Variants in KCTD21 observed in about 807,000 individuals in gnomAD.
KCTD21 encodes potassium channel tetramerization domain containing 21, also known as BTB/POZ domain-containing protein KCTD21.
Under a neutral mutation model 13.2 loss-of-function variants are expected in KCTD21, and 9 were observed. The ratio of observed to expected loss-of-function variants is 0.68; its 90% CI spans 0.41 to 1.19. The LOEUF (loss-of-function observed/expected upper bound fraction) is 1.19, where lower values mean the gene tolerates loss of function less well. Among genes scored for constraint, KCTD21 ranks in the 50% most tolerant of loss-of-function variants. The pLI is 0.01. For missense variants in KCTD21, 303 were observed against 336.5 expected (o/e 0.90, Z 0.78); for synonymous variants, 142 against 137.4 (o/e 1.03, Z -0.23).
At chr11:78,179,897 G>A (rs368131595) in intron 1 of KCTD21, among the ~76,000 whole-genome samples, 151 of 152,208 alleles carry the variant, frequency 9.9e-4, no homozygotes, top group African/African-American at 3.5e-3. Flanking sequence ...AGGGCTTCCT[G>A]GTGCCTTGCA....
rs1749356045 is a variant in KCTD21, at chr11:78,173,698, G to A, written c.*74C>T. On this transcript the variant is annotated 3_prime_UTR_variant, in exon 2 of 2. Coordinates refer to ENST00000340067, the MANE Select transcript of KCTD21 (RefSeq NM_001029859.3). ...GTATAGTCCCCTGCCTCGCACCACT[G>A]GCGAGATGCCCTCCAAGACCTGGCT... 5 of 1,265,426 alleles carry A rather than the reference G, an allele frequency of 4.0e-6. No individual in the cohort carries two copies. The South Asian group carries it at 4.1e-5, about 10-fold the overall frequency. The allele number at this position is 1,265,426 out of a possible 1,614,324, so 78.4% of individuals were successfully genotyped here.
At chr11:78,180,143 CAA>C (rs1488896914) in intron 1 of KCTD21, among the ~76,000 whole-genome samples, 3 of 152,150 alleles carry the variant, frequency 2.0e-5, no homozygotes, top group Non-Finnish European at 4.4e-5. Context: ...GTGGATTAGG[CAA>C]AGATTTCTTG....
At chr11:78,181,729 T>C (rs1206578473) in intron 1 of KCTD21, among the ~76,000 whole-genome samples, 1 of 152,134 alleles carries the variant, frequency 6.6e-6, no homozygotes, top group African/African-American at 2.4e-5. Context: ...GAGGGTCACT[T>C]GAGCCCAGGA....
In KCTD21 at chr11:78,173,752, C is replaced by G; in HGVS notation, c.*20G>C. The G allele has an allele frequency of 1.3e-6, 2 of 1,584,734 alleles. No homozygotes were observed. Among genetic ancestry groups the G allele is most frequent in the Non-Finnish European group, 1.7e-6 (2 of 1,161,736 alleles). ...ATGAGCTTCCTGGGACTCCCCATCTCCAGTGTTGTTGGGGTCCTTTTACCT... is the reference window on the plus strand; with the variant it reads ...ATGAGCTTCCTGGGACTCCCCATCTGCAGTGTTGTTGGGGTCCTTTTACCT... On this transcript the variant is annotated 3_prime_UTR_variant, in exon 2 of 2. Transcript: ENST00000340067.
intron 1 of KCTD21, chr11:78,188,297 A>T (rs1185105647): frequency 4.3e-6 from 4 of 923,352 alleles, no homozygotes; most frequent in Non-Finnish European, 3.7e-6. Context: ...GACTCCTCCC[A>T]CAGTCCCGAC....
intron 1 of KCTD21, among the ~76,000 whole-genome samples, chr11:78,184,789 G>A (rs540530646): frequency 2.3e-4 from 35 of 151,362 alleles, no homozygotes; most frequent in African/African-American, 6.1e-4. Flanking sequence ...TCACTCTGTC[G>A]CCCAGGCTGG....
At chr11:78,185,288 A>C (rs1862735311) in intron 1 of KCTD21, among the ~76,000 whole-genome samples, 1 of 152,168 alleles carries the variant, frequency 6.6e-6, no homozygotes, top group Admixed American at 6.5e-5. Flanking sequence ...TTAAGCTTTT[A>C]TGTAAGCTTG....
chr11:78,184,370 T>C (rs998776016), intron 1 of KCTD21, among the ~76,000 whole-genome samples: 1 of 152,068 alleles, frequency 6.6e-6, no homozygotes, highest in African/African-American at 2.4e-5. Flanking sequence ...AGAGTCACAC[T>C]CTGTTGCCCA....
chr11:78,173,925 C>T lies in KCTD21; in HGVS notation c.630G>A (p.Val210=), dbSNP rs1862361873. 6.2e-7 allele frequency: 1 copy of T among 1,614,194 alleles called. No individual in the cohort carries two copies. Among genetic ancestry groups the T allele is most frequent in the East Asian group, 2.2e-5 (1 of 44,876 alleles). ...YTKQNLKRLW[V]VPANKQINSF... is the part of the protein sequence containing the mutation. ...TGTTGATCTGCTTGTTGGCGGGCAC[C>T]ACCCAGAGCCTCTTGAGGTTCTGCT... Residue 210 remains valine, a synonymous_variant, in exon 2 of 2, where the codon GTG becomes GTA. Transcript: ENST00000340067.
rs1008136306 is a variant in KCTD21, at chr11:78,180,901, G to GTGAA, written c.-29-6319_-29-6318insTTCA. On this transcript the variant is annotated intron_variant, in intron 1 of 1. Coordinates refer to ENST00000340067, the MANE Select transcript of KCTD21 (RefSeq NM_001029859.3). ...TTTTCCTCATGCTGTTCTTGTGATAGTGAGTTCTTAAGAGATCTGATGGTT... is the reference window on the plus strand; with the variant it reads ...TTTTCCTCATGCTGTTCTTGTGATAGTGAATGAGTTCTTAAGAGATCTGATGGTT... Among the ~76,000 whole-genome samples the GTGAA allele has an allele frequency of 9.2e-5, 14 of 151,968 alleles. No individual in the cohort carries two copies. The East Asian group carries it at 2.5e-3, about 27-fold the overall frequency.
At position 78,172,195 on chromosome 11, in the gene KCTD21, G is replaced by A. The variant is rs535859275; in HGVS notation, c.*1577C>T. The A allele has an allele frequency of 4.6e-5, 7 of 152,460 alleles. No homozygotes were observed. In the East Asian group the frequency reaches 5.8e-4, roughly 13 times the overall value. 9.4% of individuals were successfully genotyped at this position (152,460 alleles called of 1,614,324 possible). On this transcript the variant is annotated 3_prime_UTR_variant, in exon 2 of 2. Transcript: ENST00000340067. ...TGGAGGCCTGCATGGCTCATCACCC[G>A]GTGGGAAGCAGTGCTTGGGTTGCTT...
chr11:78,188,094 C>T (rs1862852277), intron 1 of KCTD21: 1 of 985,424 alleles, frequency 1.0e-6, no homozygotes, highest in African/African-American at 1.7e-5. Flanking sequence ...CACAGCGCGG[C>T]CGGCCCAGGG....
intron 1 of KCTD21, among the ~76,000 whole-genome samples, chr11:78,176,456 A>G (rs1213460430): frequency 6.6e-6 from 1 of 152,124 alleles, no homozygotes; most frequent in East Asian, 1.9e-4. Flanking sequence ...CTCCTTCACC[A>G]CATGTTCTAG....
chr11:78,183,664 TCTCA>T (rs1434097360), intron 1 of KCTD21, among the ~76,000 whole-genome samples: 6 of 137,408 alleles, frequency 4.4e-5, no homozygotes, highest in Non-Finnish European at 6.2e-5. Flanking sequence ...TGAGACGGAG[TCTCA>T]CTGTCGCCCA....
Position 78,174,608 on chromosome 11 carries a change from T to G in KCTD21, c.-29-25A>C, listed in dbSNP as rs186511996. The G allele has an allele frequency of 4.0e-6, 6 of 1,507,610 alleles. No homozygotes were observed. The African/African-American group carries it at 8.4e-5, about 21-fold the overall frequency. 93.4% of individuals were successfully genotyped at this position (1,507,610 alleles called of 1,614,324 possible). A position where few individuals can be genotyped will look rare whatever the true frequency, so the allele number is the denominator to read the frequency against. ...CCTGGAGAGGGTGAGAAGTGAGAAA[T>G]GACTATAACCAAACCTTATCAGAGA... On this transcript the variant is annotated intron_variant, in intron 1 of 1. Transcript: ENST00000340067.
chr11:78,176,320 C>G (rs1862449247), intron 1 of KCTD21: 1 of 152,232 alleles, frequency 6.6e-6, no homozygotes, highest in Admixed American at 6.5e-5. Context: ...CCAAGCTTCT[C>G]TGAAACTGGC....
rs369908243 is a variant in KCTD21 at position 78,172,782 on chromosome 11, T to C, written c.*990A>G. 1.3e-5 allele frequency: 2 copies of C among 152,494 alleles called. No homozygotes were observed. The highest frequency in any genetic ancestry group is 2.1e-4 in the South Asian group (1 of 4,820). The allele number at this position is 152,494 out of a possible 1,614,324, so 9.4% of individuals were successfully genotyped here. On this transcript the variant is annotated 3_prime_UTR_variant, in exon 2 of 2. Coordinates refer to ENST00000340067, the MANE Select transcript of KCTD21 (RefSeq NM_001029859.3). Reference sequence around the variant, plus strand: ...CTGTCCAACCACAGCAGGAGCTGCCTTGGGGATGGCGCGCTTCCTATCAGC... The same window carrying C: ...CTGTCCAACCACAGCAGGAGCTGCCCTGGGGATGGCGCGCTTCCTATCAGC...
At chr11:78,186,805 TCTC>T in intron 1 of KCTD21, 26 of 985,488 alleles carry the variant, frequency 2.6e-5, no homozygotes, top group Non-Finnish European at 3.1e-5. Flanking sequence ...ATTCATTCCT[TCTC>T]CTCTGCATCT....
intron 1 of KCTD21, among the ~76,000 whole-genome samples, chr11:78,181,093 G>A (rs1328545932): frequency 6.6e-6 from 1 of 152,146 alleles, no homozygotes; most frequent in Non-Finnish European, 1.5e-5. Context: ...TAGCCAGTCT[G>A]GGGTATGTTG....
Sources: allele counts gnomAD v4.1 joint callset (sites outside exome capture counted in the v4.1 genomes callset), GRCh38; gene constraint gnomAD v4.1.1; transcripts MANE v1.5; gene names NCBI Gene and HGNC (gene_info 2026-07-23, HGNC 2026-07-21).